GUCY1A2: variants seen among roughly 807,000 people sequenced by gnomAD.
GUCY1A2 encodes the protein guanylate cyclase soluble subunit alpha-2.
Under a neutral mutation model 63.5 loss-of-function variants are expected in GUCY1A2, and 27 were observed. The ratio of observed to expected loss-of-function variants is 0.43; its 90% CI spans 0.31 to 0.59. GUCY1A2 has a LOEUF of 0.59. GUCY1A2 is among the 20% of genes least tolerant of loss of function. The probability of loss-of-function intolerance (pLI) is 0.11; values close to 1 mark genes in which losing one functional copy is unlikely to be tolerated. For missense variants in GUCY1A2, 768 were observed against 913.3 expected (o/e 0.84, Z 2.05); for synonymous variants, 364 against 343.5 (o/e 1.06, Z -0.66).
intron 4 of GUCY1A2, among the ~76,000 whole-genome samples, chr11:106,857,171 T>C (rs1859448294): frequency 6.6e-6 from 1 of 152,178 alleles, no homozygotes; most frequent in African/African-American, 2.4e-5. Flanking sequence ...TAAACAGCAT[T>C]TATTTCTCAT....
intron 6 of GUCY1A2, among the ~76,000 whole-genome samples, chr11:106,741,320 C>CTAAAG (rs1251169968): frequency 2.0e-5 from 3 of 152,170 alleles, no homozygotes; most frequent in Non-Finnish European, 2.9e-5. Flanking sequence ...CTAGCCATAT[C>CTAAAG]TAAAGTATTC....
At chr11:106,893,990 T>C (rs1860010987) in intron 4 of GUCY1A2, among the ~76,000 whole-genome samples, 1 of 152,136 alleles carries the variant, frequency 6.6e-6, no homozygotes, top group Non-Finnish European at 1.5e-5. Context: ...AAAAGACCCA[T>C]TTAGAAATAC....
chr11:106,926,631 TAAA>T (rs950013056), intron 4 of GUCY1A2, among the ~76,000 whole-genome samples: 1 of 151,902 alleles, frequency 6.6e-6, no homozygotes, highest in Non-Finnish European at 1.5e-5. Flanking sequence ...TATTTAGACT[TAAA>T]GAAGGCTCCG....
intron 4 of GUCY1A2, among the ~76,000 whole-genome samples, chr11:106,873,302 G>A (rs776541804): frequency 1.3e-5 from 2 of 152,100 alleles, no homozygotes; most frequent in Non-Finnish European, 2.9e-5. Flanking sequence ...GGATTGCTGG[G>A]TCAAATGGTA....
At chr11:106,786,090 C>T (rs1440223278) in intron 5 of GUCY1A2, among the ~76,000 whole-genome samples, 1 of 152,154 alleles carries the variant, frequency 6.6e-6, no homozygotes, top group Non-Finnish European at 1.5e-5. Flanking sequence ...TGCTGAGAAT[C>T]TGGCACAGTA....
At chr11:106,844,986 T>C (rs547573901) in intron 4 of GUCY1A2, among the ~76,000 whole-genome samples, 4 of 151,856 alleles carry the variant, frequency 2.6e-5, no homozygotes, top group Non-Finnish European at 5.9e-5. Flanking sequence ...GGCAAATCCT[T>C]GCCATCAGTA....
chr11:106,877,753 A>T (rs1007627251), intron 4 of GUCY1A2, among the ~76,000 whole-genome samples: 1 of 152,280 alleles, frequency 6.6e-6, no homozygotes, highest in South Asian at 2.1e-4. Flanking sequence ...AAGCAATTTC[A>T]ACAAAAGCAA....
chr11:106,890,121 GTTATC>G lies in GUCY1A2; in HGVS notation c.1206+49334_1206+49338del, dbSNP rs1307273582. On this transcript the variant is annotated intron_variant, in intron 4 of 7. Transcript: ENST00000526355. ...TATTCCAGTTAAGTAGTAATAAATT[GTTATC>G]TTATCTTCATTGCCCGTTAAATCTG... is the stretch of plus-strand genomic sequence containing the variant. Among the ~76,000 whole-genome samples, 12 of 152,220 alleles carry G rather than the reference GTTATC, an allele frequency of 7.9e-5. No homozygotes were observed. In the Middle Eastern group the frequency reaches 0.01, roughly 129 times the overall value.
chr11:106,852,159 G>T (rs956459037), intron 4 of GUCY1A2, among the ~76,000 whole-genome samples: 1 of 151,726 alleles, frequency 6.6e-6, no homozygotes, highest in Non-Finnish European at 1.5e-5. Context: ...TTATTGGTGC[G>T]TAGAAATGCA....
chr11:106,842,972 A>T (rs954226220), intron 4 of GUCY1A2, among the ~76,000 whole-genome samples: 1 of 151,932 alleles, frequency 6.6e-6, no homozygotes, highest in Admixed American at 6.6e-5. Context: ...CTTCTCCTGC[A>T]TCTTTGCCTT....
At chr11:106,904,929 T>C (rs1338383067) in intron 4 of GUCY1A2, among the ~76,000 whole-genome samples, 2 of 152,074 alleles carry the variant, frequency 1.3e-5, no homozygotes, top group South Asian at 2.1e-4. Flanking sequence ...AATGAAGATA[T>C]ATAAGCAACA....
chr11:106,822,742 T>C (rs1858919702), intron 4 of GUCY1A2, among the ~76,000 whole-genome samples: 1 of 152,222 alleles, frequency 6.6e-6, no homozygotes, highest in African/African-American at 2.4e-5. Flanking sequence ...GAATATTTTT[T>C]AACTCCTGTA....
intron 1 of GUCY1A2, among the ~76,000 whole-genome samples, chr11:106,994,528 T>C (rs569052601): frequency 6.6e-6 from 1 of 152,346 alleles, no homozygotes; most frequent in East Asian, 1.9e-4. Flanking sequence ...CACCTTCGGT[T>C]TGCATAACAC....
At chr11:106,946,828 C>T (rs1333852910) in intron 3 of GUCY1A2, among the ~76,000 whole-genome samples, 1 of 152,024 alleles carries the variant, frequency 6.6e-6, no homozygotes, top group East Asian at 1.9e-4. Context: ...TAACAACCAT[C>T]GAATTGTACA....
intron 6 of GUCY1A2, among the ~76,000 whole-genome samples, chr11:106,756,463 G>T (rs185848680): frequency 4.6e-5 from 7 of 152,072 alleles, no homozygotes; most frequent in Non-Finnish European, 8.8e-5. Context: ...TACAATTGGC[G>T]TGTTTTTGCA....
chr11:106,768,610 G>T (rs997634276), intron 6 of GUCY1A2, among the ~76,000 whole-genome samples: 9 of 152,102 alleles, frequency 5.9e-5, no homozygotes, highest in African/African-American at 2.2e-4. Context: ...TTCCTTCACA[G>T]AATTATTGTG....
rs1862449833 is a variant in GUCY1A2 at position 106,682,557 on chromosome 11, A to G, written c.*4992T>C. ...GTCATTTCTTAAGGATGGGATGGCA[A>G]TGAGGTACTTAACTGAAACCGTGAT... On this transcript the variant is annotated 3_prime_UTR_variant, in exon 8 of 8. Transcript: ENST00000526355. 4.7e-6 allele frequency: 1 copy of G among 211,772 alleles called. No homozygotes were observed. Among genetic ancestry groups the G allele is most frequent in the African/African-American group, 2.3e-5 (1 of 44,168 alleles). 13.1% of individuals were successfully genotyped at this position (211,772 alleles called of 1,614,324 possible). A position where few individuals can be genotyped will look rare whatever the true frequency, so the allele number is the denominator to read the frequency against.
chr11:106,809,099 AC>A (rs1316792142), intron 5 of GUCY1A2, among the ~76,000 whole-genome samples: 3 of 152,154 alleles, frequency 2.0e-5, no homozygotes, highest in Non-Finnish European at 4.4e-5. Context: ...TATAAAATTT[AC>A]AAAGTGAATC....
intron 7 of GUCY1A2, among the ~76,000 whole-genome samples, chr11:106,693,506 C>T (rs1036744498): frequency 6.6e-6 from 1 of 151,968 alleles, no homozygotes. Flanking sequence ...TCCTTTTGAA[C>T]CTTTTGACGT....
Sources: allele counts gnomAD v4.1 joint callset (sites outside exome capture counted in the v4.1 genomes callset), GRCh38; gene constraint gnomAD v4.1.1; transcripts MANE v1.5; gene names NCBI Gene and HGNC (gene_info 2026-07-23, HGNC 2026-07-21).